The following CTR9 variants were observed in gnomAD, a reference collection of about 807,000 sequenced individuals.
CTR9 encodes the protein CTR9 component of Paf1/RNA polymerase II complex.
A neutral mutation model predicts 152.1 loss-of-function variants in CTR9; 41 were observed. That is an observed-to-expected ratio of 0.27 (90% CI 0.21 to 0.35). The LOEUF is 0.35. CTR9 is among the 10% of genes least tolerant of loss of function. CTR9 has a pLI of 1.00. For missense variants in CTR9, 917 were observed against 1,424.4 expected, an observed-to-expected ratio of 0.64 and a Z score of 5.73; for synonymous variants, 476 against 496.2, an observed-to-expected ratio of 0.96 and a Z score of 0.54.
intron 6 of CTR9, among the ~76,000 whole-genome samples, chr11:10,761,234 G>A (rs1283012329): frequency 1.3e-5 from 2 of 152,104 alleles, no homozygotes; most frequent in Non-Finnish European, 2.9e-5. Flanking sequence ...CACTACCTTA[G>A]GCCAGAGGAA....
chr11:10,778,997 T>G lies in CTR9; in HGVS notation c.3414T>G (p.Ser1138=). The part of the protein sequence containing the change: ...AESDHESERG[S]DNEGSGQGSG... ...CAGATCACGAATCGGAGAGAGGATCTGATAATGAGGGTTCTGGCCAAGGCT... is the reference window on the plus strand; with the variant it reads ...CAGATCACGAATCGGAGAGAGGATCGGATAATGAGGGTTCTGGCCAAGGCT... The change falls in exon 25 of 25, where the codon TCT becomes TCG. Residue 1138 remains serine, a synonymous_variant. Coordinates refer to ENST00000361367, the MANE Select transcript of CTR9 (RefSeq NM_014633.5). 6.2e-7 allele frequency: 1 copy of G among 1,614,144 alleles called. No individual in the cohort carries two copies. Among genetic ancestry groups the G allele is most frequent in the Non-Finnish European group, 8.5e-7 (1 of 1,180,046 alleles).
In CTR9 at chr11:10,778,610, C is replaced by T. The variant is rs1863278379; in HGVS notation, c.3096-69C>T. 4.9e-6 allele frequency: 7 copies of T among 1,439,692 alleles called. No homozygotes were observed. The Admixed American group carries it at 1.0e-4, about 21-fold the overall frequency. 89.2% of individuals were successfully genotyped at this position (1,439,692 alleles called of 1,614,324 possible). A position where few individuals can be genotyped will look rare whatever the true frequency, so the allele number is the denominator to read the frequency against. On this transcript the variant is annotated intron_variant, in intron 24 of 24. Transcript: ENST00000361367. Reference sequence around the variant, plus strand: ...TAAATGCCCTTCTGTTTTAAAAGCACATTGTCTGCTCATCAAGGCCCCAGT... The same window carrying T: ...TAAATGCCCTTCTGTTTTAAAAGCATATTGTCTGCTCATCAAGGCCCCAGT...
rs1863080096 is a variant in CTR9, at chr11:10,767,631, G to C, written c.1687-175G>C. ...TTTGTATAACTTAGCTTTAGCATTA[G>C]TAGTTCGATAAATTTGGATTGCCAT... is the stretch of plus-strand genomic sequence containing the variant. On this transcript the variant is annotated intron_variant, in intron 13 of 24. Transcript: ENST00000361367. The surrounding 1 kb of genome is among the most constrained non-coding windows in gnomAD (Gnocchi z 4.0). 1.6e-6 allele frequency: 1 copy of C among 636,096 alleles called. No homozygotes were observed. The highest frequency in any genetic ancestry group is 1.8e-5 in the African/African-American group (1 of 54,878). The allele number at this position is 636,096 out of a possible 1,614,324, so 39.4% of individuals were successfully genotyped here. A position where few individuals can be genotyped will look rare whatever the true frequency, so the allele number is the denominator to read the frequency against.
chr11:10,763,583 T>G, intron 8 of CTR9, 45 bp downstream of exon 8: 1 of 1,560,950 alleles, frequency 6.4e-7, no homozygotes, highest in Non-Finnish European at 8.7e-7. Flanking sequence ...TTACTTATAG[T>G]GTTTTAAGTC....
At chr11:10,773,709 C>T (rs1863180716) in intron 21 of CTR9, among the ~76,000 whole-genome samples, 1 of 151,856 alleles carries the variant, frequency 6.6e-6, no homozygotes, top group Non-Finnish European at 1.5e-5. Context: ...CCAACATGGT[C>T]CATGTCTCTA....
At position 10,755,666 on chromosome 11, in the gene CTR9, A is replaced by C; in HGVS notation, c.385-12A>C. ...ATAGGGGTAAAATCTAAGATAATAC[A>C]TTACTTCATAGAACCATTTGTTGGG... On this transcript the variant is annotated splice_polypyrimidine_tract_variant and intron_variant, in intron 3 of 24. Coordinates refer to ENST00000361367, the MANE Select transcript of CTR9 (RefSeq NM_014633.5). 6.4e-7 allele frequency: 1 copy of C among 1,554,468 alleles called. No homozygotes were observed. Among genetic ancestry groups the C allele is most frequent in the South Asian group, 1.1e-5 (1 of 89,544 alleles).
chr11:10,775,074 G>A, intron 22 of CTR9, 133 bp from the exon 23 acceptor site: 1 of 672,630 alleles, frequency 1.5e-6, no homozygotes, highest in South Asian at 1.9e-5. Flanking sequence ...TGCCCTTGAG[G>A]AGTGTACAGT....
At position 10,770,495 on chromosome 11, in the gene CTR9, T is replaced by A. The variant is rs756947251; in HGVS notation, c.2235T>A (p.His745Gln). Residue 745 changes from histidine (H) to glutamine (Q), a missense_variant, in exon 18 of 25, where the codon CAT (histidine) becomes CAA (glutamine). His to Gln is a conservative substitution (Grantham distance 24). Coordinates refer to ENST00000361367, the MANE Select transcript of CTR9 (RefSeq NM_014633.5). ...TTATTTTTTATTCACAGGCTAGACA[T>A]GTGGCACCCAGTGATACAGTTCTTA... The part of the protein sequence containing the change: ...ECKQTLLKAR[H>Q]VAPSDTVLMF... 2 of 1,612,546 alleles carry A rather than the reference T, an allele frequency of 1.2e-6. No individual in the cohort carries two copies. The highest frequency in any genetic ancestry group is 1.7e-6 in the Non-Finnish European group (2 of 1,179,506).
intron 6 of CTR9, 85 bp from the exon 7 acceptor site, chr11:10,761,862 T>C: frequency 1.3e-6 from 1 of 795,510 alleles, no homozygotes; most frequent in Non-Finnish European, 2.0e-6. Flanking sequence ...ATTTATAACT[T>C]ATTTCTTGTG....
At chr11:10,772,844 T>C (rs1178711756) in intron 20 of CTR9, among the ~76,000 whole-genome samples, 189 bp downstream of exon 20, 1 of 151,988 alleles carries the variant, frequency 6.6e-6, no homozygotes, top group East Asian at 1.9e-4. Flanking sequence ...CTGGCCAACA[T>C]GGTGGAACCC....
At chr11:10,766,206 A>G in intron 12 of CTR9, 196 bp from the exon 13 acceptor site, 1 of 550,606 alleles carries the variant, frequency 1.8e-6, no homozygotes, top group Non-Finnish European at 3.1e-6. Context: ...TTAGATTTCA[A>G]ACAGTAAGTC....
At chr11:10,768,650 T>C (rs892990464) in intron 16 of CTR9, among the ~76,000 whole-genome samples, 159 bp downstream of exon 16, 7 of 152,244 alleles carry the variant, frequency 4.6e-5, no homozygotes, top group African/African-American at 1.7e-4. Flanking sequence ...CAGGCTTTGG[T>C]ATCCAGACAG....
rs1862862614 is a variant in CTR9, at chr11:10,754,969, C to T, written c.156C>T (p.Tyr52=). ...HIWIALALEY[Y]KQGKTEEFVK... ...TCATTACCTTATAGCTGGAATACTA[C>T]AAGCAAGGAAAAACAGAAGAGTTTG... Residue 52 remains tyrosine, a synonymous_variant, in exon 3 of 25, where the codon TAC becomes TAT. Transcript: ENST00000361367. 6.2e-7 allele frequency: 1 copy of T among 1,613,266 alleles called. No individual in the cohort carries two copies. Among genetic ancestry groups the T allele is most frequent in the Admixed American group, 1.7e-5 (1 of 59,924 alleles).
At chr11:10,766,548 TA>T in intron 13 of CTR9, 58 bp downstream of exon 13, 1 of 1,317,474 alleles carries the variant, frequency 7.6e-7, no homozygotes, top group South Asian at 1.4e-5. Flanking sequence ...TCCTTCCCCA[TA>T]AATCAGTTTT....
In CTR9 at chr11:10,770,640, T is replaced by A. The variant is rs186063645; in HGVS notation, c.2372+8T>A. ...ACTGGAGCTTGCACATAGGTAAAGA[T>A]TTTGTAGAAACAACCTATGAAATGC... On this transcript the variant is annotated splice_region_variant and intron_variant, in intron 18 of 24. Coordinates refer to ENST00000361367, the MANE Select transcript of CTR9 (RefSeq NM_014633.5). The A allele has an allele frequency of 9.0e-5, 145 of 1,603,568 alleles. 1 individual carries two copies. In the East Asian group the frequency reaches 2.3e-3, roughly 25 times the overall value.
chr11:10,778,891 A>G lies in CTR9; in HGVS notation c.3308A>G (p.Asp1103Gly), dbSNP rs201305345. The change falls in exon 25 of 25, where the codon GAC becomes GGC. Residue 1103 changes from aspartate to glycine, a missense_variant. Transcript: ENST00000361367. ...AGGCCCTCCGGTTCTGAGCAGTCTG[A>G]CAATGAATCTGTGCAGTCAGGGAGA... ...KRRPSGSEQS[D>G]NESVQSGRSH... 59 of 1,614,252 alleles carry G rather than the reference A, an allele frequency of 3.7e-5. No individual in the cohort carries two copies. In the East Asian group the frequency reaches 1.3e-3, roughly 35 times the overall value.
chr11:10,767,946 C>T lies in CTR9; in HGVS notation c.1827C>T (p.Asn609=), dbSNP rs781382795. Residue 609 remains asparagine, a synonymous_variant, in exon 14 of 25, where the codon AAC becomes AAT. Transcript: ENST00000361367. The surrounding 1 kb of genome is among the most constrained non-coding windows in gnomAD (Gnocchi z 4.0). The part of the protein sequence containing the change: ...SDTYSMLALG[N]VWLQTLHQPT... The stretch of plus-strand genomic sequence containing the variant: ...CCTATTCTATGCTAGCCCTTGGCAA[C>T]GTGTGGCTCCAAACTTTACATCAGC... 208 of 1,613,994 alleles carry T rather than the reference C, an allele frequency of 1.3e-4. 1 individual carries two copies. The highest frequency in any genetic ancestry group is 9.7e-5 in the Non-Finnish European group (114 of 1,179,996).
intron 5 of CTR9, among the ~76,000 whole-genome samples, chr11:10,757,717 T>C (rs1862908083): frequency 6.6e-6 from 1 of 152,198 alleles, no homozygotes; most frequent in South Asian, 2.1e-4. Context: ...ACCCTGAGAA[T>C]GTAGCAATTA....
At position 10,772,036 on chromosome 11, in the gene CTR9, G is replaced by A. The variant is rs115107881; in HGVS notation, c.2444+420G>A. Reference sequence around the variant, plus strand: ...TAATTAAGACTCCATACATTGGTATGGTATGGCAAGTGTAATGCAAAAAAA... The same window carrying A: ...TAATTAAGACTCCATACATTGGTATAGTATGGCAAGTGTAATGCAAAAAAA... On this transcript the variant is annotated intron_variant, in intron 19 of 24. Transcript: ENST00000361367. 7.5e-3 allele frequency among the ~76,000 whole-genome samples: 1,145 copies of A among 152,114 alleles called. 17 individuals are homozygous for A. Among genetic ancestry groups the A allele is most frequent in the African/African-American group, 0.026 (1,093 of 41,488 alleles).
Sources: gnomAD v4.1 joint callset for allele counts (sites outside exome capture counted in the v4.1 genomes callset) on GRCh38, gnomAD v4.1.1 for gene constraint, Gnocchi (gnomAD v3.1) non-coding constraint, MANE v1.5 for transcripts, NCBI Gene and HGNC (gene_info 2026-07-23, HGNC 2026-07-21) for gene names.